The following TDRD3 variants were observed in gnomAD, a reference collection of about 807,000 sequenced individuals.
TDRD3 encodes the protein tudor domain-containing protein 3.
In TDRD3, 45 loss-of-function variants were observed where a neutral mutation model predicts 86.7. The observed-to-expected ratio is 0.52, with a 90% CI of 0.41 to 0.67. The LOEUF (loss-of-function observed/expected upper bound fraction) is 0.67. Among genes scored for constraint, TDRD3 ranks in the 30% least tolerant of loss-of-function variants. TDRD3 has a pLI of 0.00. For missense variants in TDRD3, 814 were observed against 889.0 expected (o/e 0.92, Z 1.07); for synonymous variants, 298 against 301.7 (o/e 0.99, Z 0.13).
intron 1 of TDRD3, among the ~76,000 whole-genome samples, chr13:60,402,899 ATCCTTCT>A (rs2137798456): frequency 6.6e-6 from 1 of 152,230 alleles, no homozygotes; most frequent in African/African-American, 2.4e-5. Context: ...TATTGGAGAC[ATCCTTCT>A]ATTTTGAAAT....
intron 11 of TDRD3, among the ~76,000 whole-genome samples, chr13:60,530,808 A>T (rs566471793): frequency 6.6e-6 from 1 of 152,122 alleles, no homozygotes; most frequent in East Asian, 1.9e-4. Flanking sequence ...TGCCTATGAG[A>T]GTGTGTGGCT....
intron 11 of TDRD3, among the ~76,000 whole-genome samples, chr13:60,530,284 T>G (rs916783187): frequency 3.3e-5 from 5 of 152,184 alleles, no homozygotes; most frequent in African/African-American, 1.2e-4. Context: ...GTTAACTCTG[T>G]TAATTAGTTA....
At chr13:60,509,650 T>C in intron 8 of TDRD3, 113 bp from the exon 9 acceptor site, 1 of 1,310,458 alleles carries the variant, frequency 7.6e-7, no homozygotes, top group Non-Finnish European at 1.1e-6. Context: ...TAGAATGACA[T>C]TTTTACATAA....
chr13:60,424,702 TC>T (rs1449947392), intron 1 of TDRD3, among the ~76,000 whole-genome samples: 1 of 152,074 alleles, frequency 6.6e-6, no homozygotes, highest in Non-Finnish European at 1.5e-5. Flanking sequence ...ATAAAGCATA[TC>T]ATTCAGTAGC....
intron 12 of TDRD3, among the ~76,000 whole-genome samples, chr13:60,540,399 A>G (rs190677613): frequency 3.9e-5 from 6 of 152,294 alleles, no homozygotes; most frequent in East Asian, 3.9e-4. Context: ...TTCCTCATCT[A>G]TCACCCAGCC....
At chr13:60,424,997 A>G (rs1044743320) in intron 1 of TDRD3, among the ~76,000 whole-genome samples, 1 of 152,212 alleles carries the variant, frequency 6.6e-6, no homozygotes, top group Non-Finnish European at 1.5e-5. Context: ...TAATATTACA[A>G]TGTGTGGAAA....
intron 7 of TDRD3, among the ~76,000 whole-genome samples, chr13:60,491,602 T>C (rs564685636): frequency 1.5e-4 from 23 of 152,336 alleles, no homozygotes; most frequent in African/African-American, 5.5e-4. Flanking sequence ...ATTGAAAAGT[T>C]ACATAAGATG....
intron 1 of TDRD3, among the ~76,000 whole-genome samples, chr13:60,431,501 T>G (rs1268215660): frequency 6.6e-6 from 1 of 151,918 alleles, no homozygotes; most frequent in African/African-American, 2.4e-5. Flanking sequence ...TTAAAATAAA[T>G]TTTTTGTTTG....
chr13:60,397,324 C>CCCACCCCAGCCCCCCA lies in TDRD3; in HGVS notation c.-33_-18dup. On this transcript the variant is annotated 5_prime_UTR_variant, in exon 1 of 14. It removes the in-frame stop codon of an upstream open reading frame in the 5' UTR. Transcript: ENST00000377881. ...TCAAGTAGGAGGCCTCCCCATCACC[C>CCCACCCCAGCCCCCCA]CCACCCCAGCCCCCCACCACCCCCG... The CCCACCCCAGCCCCCCA allele has an allele frequency of 7.7e-7, 1 of 1,294,882 alleles. No homozygotes were observed. Among genetic ancestry groups the CCCACCCCAGCCCCCCA allele is most frequent in the Non-Finnish European group, 1.0e-6 (1 of 972,498 alleles). The allele number at this position is 1,294,882 out of a possible 1,614,324, so 80.2% of individuals were successfully genotyped here. A position where few individuals can be genotyped will look rare whatever the true frequency, so the allele number is the denominator to read the frequency against.
At chr13:60,398,211 T>C (rs1337245328) in intron 1 of TDRD3, among the ~76,000 whole-genome samples, 3 of 152,156 alleles carry the variant, frequency 2.0e-5, no homozygotes, top group Non-Finnish European at 4.4e-5. Flanking sequence ...ACAGGCACAT[T>C]CTGGGATGAA....
At chr13:60,456,760 A>G (rs918816678) in intron 3 of TDRD3, among the ~76,000 whole-genome samples, 14 of 152,230 alleles carry the variant, frequency 9.2e-5, no homozygotes, top group African/African-American at 2.9e-4. Flanking sequence ...TAGTGGCGCA[A>G]TCGTGGTTCA....
chr13:60,491,058 G>T (rs1302668913), intron 7 of TDRD3, among the ~76,000 whole-genome samples: 3 of 148,646 alleles, frequency 2.0e-5, no homozygotes, highest in Non-Finnish European at 3.0e-5. Context: ...AGGTTGTGGT[G>T]AGTCAAGATT....
intron 3 of TDRD3, 56 bp downstream of exon 3, chr13:60,444,804 C>G (rs1044405484): frequency 9.7e-6 from 10 of 1,033,736 alleles, no homozygotes; most frequent in Non-Finnish European, 1.4e-6. Context: ...TAAATATGAA[C>G]TAAATTACTG....
chr13:60,446,214 A>G (rs1395764672), intron 3 of TDRD3, among the ~76,000 whole-genome samples: 1 of 152,034 alleles, frequency 6.6e-6, no homozygotes, highest in East Asian at 1.9e-4. Flanking sequence ...TTCTAGAATT[A>G]TTATTCACAG....
intron 8 of TDRD3, among the ~76,000 whole-genome samples, chr13:60,500,862 C>T (rs1340638138): frequency 6.6e-6 from 1 of 152,190 alleles, no homozygotes; most frequent in Non-Finnish European, 1.5e-5. Context: ...TTTTAGTAAT[C>T]AAGTGGATAG....
chr13:60,520,293 G>T (rs1957262018), intron 10 of TDRD3, among the ~76,000 whole-genome samples: 1 of 152,118 alleles, frequency 6.6e-6, no homozygotes, highest in Non-Finnish European at 1.5e-5. Context: ...CTGGGATCTG[G>T]TGTTTTTATT....
intron 1 of TDRD3, among the ~76,000 whole-genome samples, chr13:60,401,475 T>G (rs12583846): frequency 0.16 from 25,035 of 152,130 alleles, 2,250 homozygotes; most frequent in Admixed American, 0.27. Context: ...ACCAATCCCT[T>G]ATGGATACTG....
At chr13:60,424,082 C>G (rs573541859) in intron 1 of TDRD3, among the ~76,000 whole-genome samples, 18 of 152,076 alleles carry the variant, frequency 1.2e-4, no homozygotes, top group African/African-American at 4.1e-4. Flanking sequence ...AGTGCAGTGG[C>G]GCCATCTTGG....
chr13:60,510,793 C>CTTTT, intron 10 of TDRD3, 38 bp downstream of exon 10: 1 of 1,331,670 alleles, frequency 7.5e-7, no homozygotes, highest in Non-Finnish European at 9.7e-7. Flanking sequence ...TTTTTTCTTT[C>CTTTT]TTTTCTTTCT....
Sources: allele counts gnomAD v4.1 joint callset (sites outside exome capture counted in the v4.1 genomes callset), GRCh38; gene constraint gnomAD v4.1.1; transcripts MANE v1.5; gene names NCBI Gene and HGNC (gene_info 2026-07-23, HGNC 2026-07-21).